The following CACNG3 variants were observed in gnomAD, a reference collection of about 807,000 sequenced individuals.
The protein encoded by CACNG3 is voltage-dependent calcium channel gamma-3 subunit.
A neutral mutation model predicts 28.5 loss-of-function variants in CACNG3; 3 were observed. That is an observed-to-expected ratio of 0.11 (90% CI 0.05 to 0.27). The LOEUF (loss-of-function observed/expected upper bound fraction) is 0.27, where lower values mean the gene tolerates loss of function less well. Ranked by LOEUF, CACNG3 falls within the 10% of genes least tolerant of loss-of-function variation. The probability of loss-of-function intolerance (pLI) is 1.00; values close to 1 mark genes in which losing one functional copy is unlikely to be tolerated. For missense variants in CACNG3, 236 were observed against 414.4 expected (o/e 0.57, Z 3.74); for synonymous variants, 174 against 162.2 (o/e 1.07, Z -0.55).
rs114630582 is a variant in CACNG3 at position 24,256,975 on chromosome 16, A to G, written c.211+10A>G. On this transcript the variant is annotated intron_variant, in intron 1 of 3. Transcript: ENST00000005284. The surrounding 1 kb of genome is among the most constrained non-coding windows in gnomAD (Gnocchi z 4.6). ...ACCTGCTGCCTAGAAGGTATTTACA[A>G]TTTCCTCTCAATAGCTCTGAATAAT... 5 of 1,533,840 alleles carry G rather than the reference A, an allele frequency of 3.3e-6. No individual in the cohort carries two copies. The highest frequency in any genetic ancestry group is 4.5e-6 in the Non-Finnish European group (5 of 1,106,902).
intron 1 of CACNG3, among the ~76,000 whole-genome samples, chr16:24,321,365 T>G (rs892584446): frequency 1.3e-5 from 2 of 151,890 alleles, no homozygotes; most frequent in African/African-American, 4.8e-5. Context: ...GAGAATTGCT[T>G]GAACCTCAGA....
In CACNG3 at chr16:24,285,874, C is replaced by T. The variant is rs536946368; in HGVS notation, c.211+28909C>T. On this transcript the variant is annotated intron_variant, in intron 1 of 3. Coordinates refer to ENST00000005284, the MANE Select transcript of CACNG3 (RefSeq NM_006539.4). The stretch of plus-strand genomic sequence containing the variant: ...TTTTTTTTTTTTTGAGATAGGGTCT[C>T]GCTCTGTCACCCAGGCTGGAGAGCA... 3.7e-4 allele frequency among the ~76,000 whole-genome samples: 51 copies of T among 136,422 alleles called. 1 individual carries two copies. The highest frequency in any genetic ancestry group is 3.7e-3 in the East Asian group (17 of 4,650). 89.5% of individuals were successfully genotyped at this position (136,422 alleles called of 152,430 possible).
intron 1 of CACNG3, among the ~76,000 whole-genome samples, chr16:24,284,947 G>A (rs1390849255): frequency 1.3e-5 from 2 of 150,668 alleles, no homozygotes; most frequent in African/African-American, 2.4e-5. Context: ...TAAAGAATTA[G>A]CCAAACATCT....
chr16:24,271,200 T>C (rs1898685701), intron 1 of CACNG3, among the ~76,000 whole-genome samples: 1 of 152,232 alleles, frequency 6.6e-6, no homozygotes, highest in Admixed American at 6.5e-5. Context: ...ACTCTGTCCC[T>C]TGACCTCCCT....
chr16:24,311,479 A>C (rs557235143), intron 1 of CACNG3, among the ~76,000 whole-genome samples: 1 of 151,022 alleles, frequency 6.6e-6, no homozygotes, highest in South Asian at 2.1e-4. Flanking sequence ...ACTGCACTAC[A>C]GCCTGGGTGA....
intron 1 of CACNG3, among the ~76,000 whole-genome samples, chr16:24,327,861 G>C (rs1899578707): frequency 6.6e-6 from 1 of 151,962 alleles, no homozygotes; most frequent in Non-Finnish European, 1.5e-5. Flanking sequence ...AAAATCACTT[G>C]AGCCCAGGAG....
chr16:24,314,597 A>G (rs918518520), intron 1 of CACNG3, among the ~76,000 whole-genome samples: 19 of 152,136 alleles, frequency 1.2e-4, no homozygotes, highest in Admixed American at 2.0e-4. Context: ...AGATTTATTA[A>G]CCATCAAAAT....
At chr16:24,327,978 A>G (rs1478861839) in intron 1 of CACNG3, among the ~76,000 whole-genome samples, 1 of 152,196 alleles carries the variant, frequency 6.6e-6, no homozygotes, top group Non-Finnish European at 1.5e-5. Flanking sequence ...CATGAAGGAA[A>G]TACGCAGTAC....
intron 1 of CACNG3, among the ~76,000 whole-genome samples, chr16:24,280,598 T>C (rs997853935): frequency 1.3e-5 from 2 of 151,920 alleles, no homozygotes; most frequent in African/African-American, 2.4e-5. Context: ...GGTGGATCAC[T>C]TGAGGTCAGG....
In CACNG3 at chr16:24,361,804, A is replaced by G; in HGVS notation, c.889A>G (p.Lys297Glu). 1.2e-6 allele frequency: 2 copies of G among 1,613,756 alleles called. No homozygotes were observed. The highest frequency in any genetic ancestry group is 1.7e-6 in the Non-Finnish European group (2 of 1,179,998). ...TCTACAGTTCCACAATTCCACACCC[A>G]AAGAGTTCAAAGAGTCACTGCATAA... ...AFLQFHNSTP[K>E]EFKESLHNNP... Residue 297 changes from lysine to glutamate, a missense_variant, in exon 4 of 4, where the codon AAA becomes GAA. Coordinates refer to ENST00000005284, the MANE Select transcript of CACNG3 (RefSeq NM_006539.4). The surrounding 1 kb of genome is among the most constrained non-coding windows in gnomAD (Gnocchi z 6.8).
At chr16:24,292,162 C>T (rs568740514) in intron 1 of CACNG3, among the ~76,000 whole-genome samples, 4 of 152,206 alleles carry the variant, frequency 2.6e-5, no homozygotes, top group African/African-American at 4.8e-5. Flanking sequence ...AAGTTTAGCG[C>T]TGGAAGGGAG....
At chr16:24,257,018 G>T in intron 1 of CACNG3, 53 bp downstream of exon 1, 3 of 1,148,874 alleles carry the variant, frequency 2.6e-6, no homozygotes, top group Non-Finnish European at 3.9e-6. Flanking sequence ...TGATATTCTG[G>T]TGGGTGTTTG....
chr16:24,317,631 ACAGAAAGAAAGAAAAGAAAAG>A (rs1567217554), intron 1 of CACNG3, among the ~76,000 whole-genome samples: 7 of 55,784 alleles, frequency 1.3e-4, no homozygotes, highest in East Asian at 5.2e-4. Flanking sequence ...AGAAAGACAG[ACAGAAAGAAAGAAAAGAAAAG>A]AAAGAAAGAA....
chr16:24,312,944 A>T (rs548885379), intron 1 of CACNG3, among the ~76,000 whole-genome samples: 2 of 104,962 alleles, frequency 1.9e-5, no homozygotes, highest in Non-Finnish European at 4.2e-5. Flanking sequence ...AGAAAGAAAG[A>T]AAGAAAGAAA....
At chr16:24,330,576 C>A (rs1035850551) in intron 1 of CACNG3, among the ~76,000 whole-genome samples, 2 of 152,220 alleles carry the variant, frequency 1.3e-5, no homozygotes, top group African/African-American at 4.8e-5. Context: ...CTCAAAGCCT[C>A]TAATTCAGGG....
chr16:24,304,924 G>T (rs1899165077), intron 1 of CACNG3, among the ~76,000 whole-genome samples: 1 of 152,134 alleles, frequency 6.6e-6, no homozygotes, highest in South Asian at 2.1e-4. Context: ...AACAGTGCCT[G>T]GCAAAAACAA....
At chr16:24,279,358 A>G (rs1279645368) in intron 1 of CACNG3, among the ~76,000 whole-genome samples, 2 of 152,086 alleles carry the variant, frequency 1.3e-5, no homozygotes, top group African/African-American at 4.8e-5. Context: ...CAGTGGTGCA[A>G]TCTCGGCTTA....
intron 3 of CACNG3, among the ~76,000 whole-genome samples, chr16:24,358,183 G>GA (rs144220292): frequency 0.017 from 2,576 of 152,222 alleles, 65 homozygotes; most frequent in African/African-American, 0.058. Context: ...GTGCTGGGGG[G>GA]AAAAAAGAGA....
chr16:24,345,463 G>T lies in CACNG3; in HGVS notation c.212-1271G>T, dbSNP rs1239810858. Among the ~76,000 whole-genome samples, 3 of 152,188 alleles carry T rather than the reference G, an allele frequency of 2.0e-5. No homozygotes were observed. The East Asian group carries it at 5.8e-4, about 29-fold the overall frequency. ...CGCCTGTAATCCCAGCACATTGGGAGGCCGAGGCAGGTGGATCACCTGATG... is the reference window on the plus strand; with the variant it reads ...CGCCTGTAATCCCAGCACATTGGGATGCCGAGGCAGGTGGATCACCTGATG... On this transcript the variant is annotated intron_variant, in intron 1 of 3. Transcript: ENST00000005284.
Sources: gnomAD v4.1 joint callset for allele counts (sites outside exome capture counted in the v4.1 genomes callset) on GRCh38, gnomAD v4.1.1 for gene constraint, Gnocchi (gnomAD v3.1) non-coding constraint, MANE v1.5 for transcripts, NCBI Gene and HGNC (gene_info 2026-07-23, HGNC 2026-07-21) for gene names.